Variants in GRIA1 observed in about 807,000 individuals in gnomAD.
The protein encoded by GRIA1 is glutamate ionotropic receptor AMPA type subunit 1, also known as glutamate receptor 1.
Under a neutral mutation model 99.2 loss-of-function variants are expected in GRIA1, and 31 were observed. The ratio of observed to expected loss-of-function variants is 0.31; its 90% CI spans 0.23 to 0.42. GRIA1 has a LOEUF of 0.42. GRIA1 is among the 10% of genes least tolerant of loss of function. GRIA1 has a pLI of 1.00. For missense variants in GRIA1, 782 were observed against 1,157.5 expected, an observed-to-expected ratio of 0.68 and a Z score of 4.71; for synonymous variants, 438 against 432.4, an observed-to-expected ratio of 1.01 and a Z score of -0.16.
At chr5:153,631,842 T>A (rs1752993024) in intron 2 of GRIA1, among the ~76,000 whole-genome samples, 1 of 152,108 alleles carries the variant, frequency 6.6e-6, no homozygotes, top group Non-Finnish European at 1.5e-5. Flanking sequence ...ATGACCTGCT[T>A]AAGGTGGTCC....
rs148706309 is a variant in GRIA1 at position 153,791,211 on chromosome 5, G to T, written c.2271-3410G>T. On this transcript the variant is annotated intron_variant, in intron 13 of 15. Coordinates refer to ENST00000285900, the MANE Select transcript of GRIA1 (RefSeq NM_000827.4). Reference sequence around the variant, plus strand: ...GCACTTTGGGAGGCCGAGGCAGGAGGATTGCTTGAGGCCAGGAGTTAGAGA... The same window carrying T: ...GCACTTTGGGAGGCCGAGGCAGGAGTATTGCTTGAGGCCAGGAGTTAGAGA... Among the ~76,000 whole-genome samples the T allele has an allele frequency of 5.2e-3, 792 of 151,200 alleles. 6 individuals carry two copies. Among genetic ancestry groups the T allele is most frequent in the Non-Finnish European group, 8.4e-3 (568 of 67,876 alleles).
chr5:153,507,476 C>T (rs1267209416), intron 2 of GRIA1, among the ~76,000 whole-genome samples: 1 of 152,182 alleles, frequency 6.6e-6, no homozygotes, highest in African/African-American at 2.4e-5. Context: ...CAGAACTTGG[C>T]ATCCTTCCTG....
At chr5:153,648,838 A>ACCC (rs35300119) in intron 3 of GRIA1, among the ~76,000 whole-genome samples, 231 of 148,098 alleles carry the variant, frequency 1.6e-3, no homozygotes, top group African/African-American at 5.7e-3. Flanking sequence ...TAATAATGAC[A>ACCC]CCCCCCCCCA....
At chr5:153,726,873 C>G (rs2149550554) in intron 11 of GRIA1, among the ~76,000 whole-genome samples, 1 of 152,310 alleles carries the variant, frequency 6.6e-6, no homozygotes, top group South Asian at 2.1e-4. Flanking sequence ...GGAAACCTCC[C>G]TAACTCATTT....
intron 10 of GRIA1, among the ~76,000 whole-genome samples, 169 bp downstream of exon 10, chr5:153,699,242 T>G (rs11750376): frequency 0.056 from 8,515 of 152,242 alleles, 303 homozygotes; most frequent in Non-Finnish European, 0.076. Flanking sequence ...CAGACACTCT[T>G]TGTTCAGGTT....
intron 5 of GRIA1, among the ~76,000 whole-genome samples, chr5:153,671,278 C>T (rs1245086643): frequency 1.3e-5 from 2 of 152,172 alleles, no homozygotes; most frequent in Non-Finnish European, 1.5e-5. Context: ...GTATGAAATG[C>T]CCAGGACCTT....
chr5:153,779,869 AT>A (rs1245673722), intron 13 of GRIA1, among the ~76,000 whole-genome samples: 1 of 152,196 alleles, frequency 6.6e-6, no homozygotes, highest in East Asian at 1.9e-4. Context: ...CTAGAGCTCC[AT>A]TTTATAATGC....
At chr5:153,810,034 C>T (rs1352537056) in intron 15 of GRIA1, among the ~76,000 whole-genome samples, 2 of 152,154 alleles carry the variant, frequency 1.3e-5, no homozygotes, top group South Asian at 4.1e-4. Context: ...GTCTGGATTT[C>T]CTATCATCAA....
intron 7 of GRIA1, among the ~76,000 whole-genome samples, chr5:153,683,569 A>C (rs1757136243): frequency 6.6e-6 from 1 of 152,226 alleles, no homozygotes; most frequent in Non-Finnish European, 1.5e-5. Flanking sequence ...TTGGGTCACT[A>C]GAACTGTGCA....
intron 2 of GRIA1, among the ~76,000 whole-genome samples, chr5:153,511,998 A>G (rs1387564176): frequency 1.3e-5 from 2 of 152,246 alleles, no homozygotes; most frequent in Non-Finnish European, 2.9e-5. Flanking sequence ...ACACACAAAC[A>G]AACAAAGCAA....
rs529222216 is a variant in GRIA1, at chr5:153,794,546, G to C, written c.2271-75G>C. 2.5e-5 allele frequency: 25 copies of C among 990,812 alleles called. No individual in the cohort carries two copies. The African/African-American group carries it at 3.7e-4, about 14-fold the overall frequency. The allele number at this position is 990,812 out of a possible 1,614,324, so 61.4% of individuals were successfully genotyped here. ...GGCTGGGTAATGGAGCTGATTCACC[G>C]ATCCCTTGGGTCACGTGACTTGCTG... On this transcript the variant is annotated intron_variant, in intron 13 of 15. Transcript: ENST00000285900.
At chr5:153,623,791 G>C (rs1013549423) in intron 2 of GRIA1, among the ~76,000 whole-genome samples, 1 of 152,116 alleles carries the variant, frequency 6.6e-6, no homozygotes, top group South Asian at 2.1e-4. Context: ...TTGAATAGTT[G>C]GGAAGTGATA....
At chr5:153,746,824 A>ATATTCTT (rs1320599998) in intron 11 of GRIA1, among the ~76,000 whole-genome samples, 1 of 152,168 alleles carries the variant, frequency 6.6e-6, no homozygotes, top group Non-Finnish European at 1.5e-5. Context: ...GTGTTGCCAA[A>ATATTCTT]TATTCTTTTG....
chr5:153,674,019 A>T (rs956223645), intron 5 of GRIA1, among the ~76,000 whole-genome samples: 5 of 152,172 alleles, frequency 3.3e-5, no homozygotes, highest in African/African-American at 1.2e-4. Context: ...TGAAATTCAG[A>T]TTCCTCTTCT....
intron 5 of GRIA1, among the ~76,000 whole-genome samples, chr5:153,672,564 G>C (rs974794599): frequency 7.0e-6 from 1 of 142,978 alleles, no homozygotes; most frequent in African/African-American, 2.6e-5. Context: ...AGCTTGCTTT[G>C]TTTATAAAAA....
At chr5:153,764,184 T>C (rs1763361971) in intron 11 of GRIA1, among the ~76,000 whole-genome samples, 1 of 152,090 alleles carries the variant, frequency 6.6e-6, no homozygotes, top group Non-Finnish European at 1.5e-5. Context: ...TAAAAGGGAG[T>C]GTGAATACGT....
At chr5:153,669,564 A>T (rs1490133408) in intron 5 of GRIA1, among the ~76,000 whole-genome samples, 1 of 152,212 alleles carries the variant, frequency 6.6e-6, no homozygotes, top group African/African-American at 2.4e-5. Context: ...CTAATGGATG[A>T]TATCTAAGAT....
intron 2 of GRIA1, among the ~76,000 whole-genome samples, chr5:153,540,273 G>C (rs1758952656): frequency 6.6e-6 from 1 of 152,228 alleles, no homozygotes; most frequent in African/African-American, 2.4e-5. Context: ...CTGCTGGAGA[G>C]ACAAGAAGGA....
chr5:153,713,930 G>A (rs1339343750), intron 11 of GRIA1, among the ~76,000 whole-genome samples: 1 of 152,148 alleles, frequency 6.6e-6, no homozygotes, highest in Non-Finnish European at 1.5e-5. Context: ...GAACATAGCA[G>A]ACAAAAGCTC....
Sources: gnomAD v4.1 joint callset for allele counts (sites outside exome capture counted in the v4.1 genomes callset) on GRCh38, gnomAD v4.1.1 for gene constraint, MANE v1.5 for transcripts, NCBI Gene and HGNC (gene_info 2026-07-23, HGNC 2026-07-21) for gene names.